The following EIF3CL variants were observed in gnomAD, a reference collection of about 807,000 sequenced individuals.
EIF3CL encodes the protein eukaryotic translation initiation factor 3 subunit C like.
For synonymous variants in EIF3CL, 2 were observed against 19.6 expected (o/e 0.10, Z 2.37); for missense variants, 5 against 56.1 (o/e 0.09, Z 2.91).
the EIF3CL span, among the ~76,000 whole-genome samples, chr16:28,419,393 G>A: frequency 1.3e-5 from 2 of 149,642 alleles, no homozygotes; most frequent in Non-Finnish European, 3.0e-5. Flanking sequence ...CCATGGGTGG[G>A]AGAGCCAGTG....
At chr16:28,415,744 C>T in the EIF3CL span, among the ~76,000 whole-genome samples, 11 of 135,246 alleles carry the variant, frequency 8.1e-5, no homozygotes, top group South Asian at 2.0e-3. Context: ...AGCGAGACTC[C>T]GTCTCCAAAA....
upstream of EIF3CL, among the ~76,000 whole-genome samples, chr16:28,408,234 A>G (rs1344768566): frequency 8.0e-6 from 1 of 124,590 alleles, no homozygotes; most frequent in South Asian, 2.5e-4. Flanking sequence ...AAAAAAAAAA[A>G]AAAGGGAAAG....
chr16:28,416,902 C>G, the EIF3CL span, among the ~76,000 whole-genome samples: 1 of 92,966 alleles, frequency 1.1e-5, no homozygotes, highest in Non-Finnish European at 2.3e-5. Context: ...TCAGCCCCCC[C>G]GCCCGGCCAG....
chr16:28,419,365 CA>C, the EIF3CL span, among the ~76,000 whole-genome samples: 1 of 150,288 alleles, frequency 6.7e-6, no homozygotes, highest in Admixed American at 6.6e-5. Flanking sequence ...TAGCCCTTTC[CA>C]CCATGATTCT....
At chr16:28,408,306 A>G (rs2045688571), upstream of EIF3CL, among the ~76,000 whole-genome samples, 1 of 64,408 alleles carries the variant, frequency 1.6e-5, no homozygotes, top group African/African-American at 5.4e-5. Context: ...CTGTGACTGG[A>G]GACAAACGTA....
At chr16:28,387,873 A>AT (rs1221521877) in intron 15 of EIF3CL, among the ~76,000 whole-genome samples, 185 bp downstream of exon 15, 10 of 101,718 alleles carry the variant, frequency 9.8e-5, no homozygotes, top group South Asian at 3.9e-4. Context: ...AGCCTGGATA[A>AT]TTTTTTTTTT....
At chr16:28,419,296 G>A in the EIF3CL span, among the ~76,000 whole-genome samples, 1 of 150,724 alleles carries the variant, frequency 6.6e-6, no homozygotes, top group Non-Finnish European at 1.5e-5. Context: ...GTAAGCCAGT[G>A]CGCCCAGCCC....
the EIF3CL span, among the ~76,000 whole-genome samples, chr16:28,418,633 C>G: frequency 1.5e-5 from 2 of 130,038 alleles, no homozygotes; most frequent in Non-Finnish European, 3.5e-5. Context: ...CCTGCCCATT[C>G]AAGTCTTTTT....
At chr16:28,387,697 C>T (rs561983795) in intron 15 of EIF3CL, among the ~76,000 whole-genome samples, 1 of 148,156 alleles carries the variant, frequency 6.7e-6, no homozygotes, top group Admixed American at 6.8e-5. Flanking sequence ...AGGTGCTCTA[C>T]ACATAAACAT....
chr16:28,418,708 A>G, the EIF3CL span, among the ~76,000 whole-genome samples: 1 of 151,696 alleles, frequency 6.6e-6, no homozygotes, highest in East Asian at 2.0e-4. Context: ...CAGCTCACTG[A>G]AGCCTCTGCC....
At chr16:28,382,147 T>C (rs1439677269) in intron 16 of EIF3CL, among the ~76,000 whole-genome samples, 1 of 55,492 alleles carries the variant, frequency 1.8e-5, no homozygotes, top group Admixed American at 2.5e-4. Flanking sequence ...GAGGTGGAGG[T>C]TGCAGTGAGC....
chr16:28,417,901 G>T, the EIF3CL span, among the ~76,000 whole-genome samples: 5 of 138,998 alleles, frequency 3.6e-5, no homozygotes, highest in East Asian at 8.7e-4. Context: ...AAATTAGCCA[G>T]GCGTGGTGGC....
the EIF3CL span, among the ~76,000 whole-genome samples, chr16:28,417,130 C>T: frequency 5.4e-5 from 7 of 130,536 alleles, no homozygotes; most frequent in East Asian, 2.3e-4. Flanking sequence ...CCGCCCGGTC[C>T]GGGAGGGAGG....
At chr16:28,425,524 C>T in the EIF3CL span, among the ~76,000 whole-genome samples, 7 of 105,876 alleles carry the variant, frequency 6.6e-5, 2 homozygotes, top group Non-Finnish European at 1.3e-4. Context: ...TAACTCGATG[C>T]CACAGCACAT....
At chr16:28,421,885 A>G in the EIF3CL span, among the ~76,000 whole-genome samples, 1 of 117,582 alleles carries the variant, frequency 8.5e-6, no homozygotes, top group Non-Finnish European at 1.8e-5. Flanking sequence ...TCACTACATT[A>G]TGGTTTAATC....
At chr16:28,419,155 C>T in the EIF3CL span, among the ~76,000 whole-genome samples, 1,527 of 143,168 alleles carry the variant, frequency 0.011, 105 homozygotes, top group African/African-American at 0.04. Flanking sequence ...TACAGGTGCC[C>T]GCCATCACGC....
At chr16:28,417,358 G>A in the EIF3CL span, among the ~76,000 whole-genome samples, 2 of 141,362 alleles carry the variant, frequency 1.4e-5, no homozygotes, top group East Asian at 4.2e-4. Flanking sequence ...GACAATGGCG[G>A]CTTTGTGGAA....
At chr16:28,418,662 C>T in the EIF3CL span, among the ~76,000 whole-genome samples, 1 of 151,572 alleles carries the variant, frequency 6.6e-6, no homozygotes, top group Admixed American at 6.6e-5. Context: ...CACAGTTTCG[C>T]TCTTTTGCCT....
chr16:28,411,139 G>T, the EIF3CL span, among the ~76,000 whole-genome samples: 1 of 150,652 alleles, frequency 6.6e-6, no homozygotes, highest in Non-Finnish European at 1.5e-5. Context: ...TGCCTCCCGG[G>T]TTTAAGCGAT....
Sources: gnomAD v4.1 joint callset for allele counts (sites outside exome capture counted in the v4.1 genomes callset) on GRCh38, gnomAD v4.1.1 for gene constraint, MANE v1.5 for transcripts, NCBI Gene and HGNC (gene_info 2026-07-23, HGNC 2026-07-21) for gene names.